CIB4: variants seen among roughly 807,000 people sequenced by gnomAD.
CIB4 encodes the protein calcium and integrin binding family member 4.
Under a neutral mutation model 25.8 loss-of-function variants are expected in CIB4, and 25 were observed. That is an observed-to-expected ratio of 0.97 (90% confidence interval 0.71 to 1.35). CIB4 has a LOEUF of 1.35. Among genes scored for constraint, CIB4 ranks in the 40% most tolerant of loss-of-function variants. The pLI is 0.00. For synonymous variants in CIB4, 75 were observed against 81.4 expected (o/e 0.92, Z 0.42); for missense variants, 235 against 228.2 (o/e 1.03, Z -0.19).
intron 2 of CIB4, 83 bp from the exon 3 acceptor site, chr2:26,629,589 G>A (rs1297005572): frequency 1.2e-5 from 11 of 895,054 alleles, no homozygotes; most frequent in Non-Finnish European, 2.0e-5. Context: ...CAGCAAGCCT[G>A]TCTCCTGCTG....
At chr2:26,604,346 C>T (rs1253942016) in intron 3 of CIB4, among the ~76,000 whole-genome samples, 1 of 152,062 alleles carries the variant, frequency 6.6e-6, no homozygotes, top group Non-Finnish European at 1.5e-5. Context: ...TGCCACTGCA[C>T]TCCAGCCTGG....
chr2:26,601,065 T>A (rs1668773433), intron 3 of CIB4, among the ~76,000 whole-genome samples: 1 of 151,172 alleles, frequency 6.6e-6, no homozygotes, highest in Admixed American at 6.6e-5. Flanking sequence ...ACAAAAAAAA[T>A]TAAAAATTGG....
chr2:26,581,828 C>G (rs1013564966), intron 6 of CIB4, among the ~76,000 whole-genome samples: 2 of 152,204 alleles, frequency 1.3e-5, no homozygotes, highest in African/African-American at 4.8e-5. Context: ...CTCATCCAGG[C>G]AGTCAGAAGA....
intron 3 of CIB4, among the ~76,000 whole-genome samples, chr2:26,602,773 C>T (rs896684259): frequency 1.3e-5 from 2 of 152,118 alleles, no homozygotes; most frequent in Non-Finnish European, 2.9e-5. Context: ...ATGAGAAGGG[C>T]GGTTCAGGCC....
At chr2:26,583,151 C>A (rs1484100139) in intron 5 of CIB4, among the ~76,000 whole-genome samples, 1 of 152,178 alleles carries the variant, frequency 6.6e-6, no homozygotes, top group Non-Finnish European at 1.5e-5. Context: ...AGTGAGAGAA[C>A]AAGAGTGTCC....
intron 4 of CIB4, among the ~76,000 whole-genome samples, chr2:26,588,000 C>A (rs952864662): frequency 1.3e-5 from 2 of 152,248 alleles, no homozygotes; most frequent in Non-Finnish European, 2.9e-5. Flanking sequence ...ACTCCTCCAG[C>A]AGTGCCCCTT....
intron 3 of CIB4, chr2:26,623,677 C>G (rs1203103926): frequency 1.8e-5 from 7 of 392,152 alleles, no homozygotes; most frequent in South Asian, 1.2e-4. Flanking sequence ...GTAGCAGGGG[C>G]GGGTCTATGC....
At chr2:26,640,786 T>C (rs1669620567) in intron 1 of CIB4, among the ~76,000 whole-genome samples, 1 of 152,208 alleles carries the variant, frequency 6.6e-6, no homozygotes, top group African/African-American at 2.4e-5. Flanking sequence ...AGGAGGGCAT[T>C]GGCACAGATG....
intron 2 of CIB4, among the ~76,000 whole-genome samples, chr2:26,640,010 C>A (rs1377032690): frequency 6.6e-6 from 1 of 150,780 alleles, no homozygotes; most frequent in African/African-American, 2.4e-5. Context: ...CACTGGACAG[C>A]GGTCCGCATG....
At chr2:26,634,606 G>C (rs1309518372) in intron 2 of CIB4, among the ~76,000 whole-genome samples, 1 of 152,138 alleles carries the variant, frequency 6.6e-6, no homozygotes, top group Non-Finnish European at 1.5e-5. Context: ...GCTCAGGGAG[G>C]GTAAGACACT....
At chr2:26,582,964 G>T in intron 5 of CIB4, 51 bp from the exon 6 acceptor site, 1 of 1,286,252 alleles carries the variant, frequency 7.8e-7, no homozygotes, top group Non-Finnish European at 1.1e-6. Context: ...GTCAGGCAGT[G>T]AGGTGGGGCA....
intron 3 of CIB4, chr2:26,623,522 G>C (rs1180804447): frequency 2.1e-6 from 1 of 471,378 alleles, no homozygotes; most frequent in Admixed American, 2.3e-5. Flanking sequence ...CTAGTTCTAA[G>C]CAGGACTCAG....
rs536658576 is a variant in CIB4 at position 26,627,158 on chromosome 2, G to A, written c.186+2252C>T. 1.6e-3 allele frequency among the ~76,000 whole-genome samples: 248 copies of A among 152,188 alleles called. 2 individuals are homozygous for A. Among genetic ancestry groups the A allele is most frequent in the African/African-American group, 5.6e-3 (233 of 41,518 alleles). ...ACCCTCTATGCCACCCCTCCAGTTC[G>A]GCTCCCCTTGGGCCCTCTGTGGCAC... is the stretch of plus-strand genomic sequence containing the variant. On this transcript the variant is annotated intron_variant, in intron 3 of 6. Transcript: ENST00000288861. The surrounding 1 kb of genome is among the most constrained non-coding windows in gnomAD (Gnocchi z 4.0).
rs151130501 is a variant in CIB4 at position 26,606,430 on chromosome 2, G to A, written c.187-11113C>T. 8.5e-5 allele frequency among the ~76,000 whole-genome samples: 13 copies of A among 152,328 alleles called. No homozygotes were observed. In the East Asian group the frequency reaches 2.3e-3, roughly 27 times the overall value. On this transcript the variant is annotated intron_variant, in intron 3 of 6. Transcript: ENST00000288861. ...AATCCAGAAGGGAGGGAGATGTGGTGGAGGATTCAGGGAAAAGCTGTTCAG... is the reference window on the plus strand; with the variant it reads ...AATCCAGAAGGGAGGGAGATGTGGTAGAGGATTCAGGGAAAAGCTGTTCAG...
At chr2:26,606,474 A>C (rs1668892174) in intron 3 of CIB4, among the ~76,000 whole-genome samples, 1 of 152,164 alleles carries the variant, frequency 6.6e-6, no homozygotes, top group Non-Finnish European at 1.5e-5. Flanking sequence ...GAAAAGAGGC[A>C]GGGCCAGAGG....
At chr2:26,593,074 C>A (rs1364657324) in intron 4 of CIB4, among the ~76,000 whole-genome samples, 2 of 152,096 alleles carry the variant, frequency 1.3e-5, no homozygotes, top group African/African-American at 2.4e-5. Flanking sequence ...GTCCAACGAA[C>A]AAAAAGGTGG....
chr2:26,626,215 G>A (rs1669299856), intron 3 of CIB4, among the ~76,000 whole-genome samples: 1 of 152,110 alleles, frequency 6.6e-6, no homozygotes, highest in African/African-American at 2.4e-5. Context: ...GATGTCACTT[G>A]CCGAAGATCA....
At chr2:26,610,980 C>A (rs894141366) in intron 3 of CIB4, among the ~76,000 whole-genome samples, 1 of 152,200 alleles carries the variant, frequency 6.6e-6, no homozygotes, top group African/African-American at 2.4e-5. Context: ...TACTCCCGGG[C>A]TAGCAAACAA....
intron 3 of CIB4, among the ~76,000 whole-genome samples, chr2:26,614,827 C>T (rs1169755108): frequency 3.3e-5 from 5 of 152,234 alleles, no homozygotes; most frequent in Non-Finnish European, 7.3e-5. Context: ...AGCTGAGGCT[C>T]CGGGAAGTGG....
Sources: allele counts gnomAD v4.1 joint callset (sites outside exome capture counted in the v4.1 genomes callset), GRCh38; gene constraint gnomAD v4.1.1; non-coding constraint Gnocchi (gnomAD v3.1); transcripts MANE v1.5; gene names NCBI Gene and HGNC (gene_info 2026-07-23, HGNC 2026-07-21).